Variants in CYP2E1 observed in about 807,000 individuals in gnomAD.
CYP2E1 encodes the protein cytochrome P450 2E1.
A neutral mutation model predicts 42.9 loss-of-function variants in CYP2E1; 31 were observed. The observed-to-expected ratio is 0.72, with a 90% CI of 0.54 to 0.98. The LOEUF is 0.98. CYP2E1 is among the 50% of genes least tolerant of loss of function. CYP2E1 has a pLI of 0.00. For synonymous variants in CYP2E1, 244 were observed against 248.9 expected (o/e 0.98, Z 0.19); for missense variants, 565 against 633.2 (o/e 0.89, Z 1.16).
intron 5 of CYP2E1, among the ~76,000 whole-genome samples, 171 bp downstream of exon 5, chr10:133,533,039 C>CTGGCT (rs1851357660): frequency 6.6e-6 from 1 of 152,240 alleles, no homozygotes; most frequent in African/African-American, 2.4e-5. Context: ...GCAAGTCAGC[C>CTGGCT]TGCCTGGCTG....
In CYP2E1 at chr10:133,531,448, GTC is replaced by G. The variant is rs1415680019; in HGVS notation, c.338-131_338-130del. The G allele has an allele frequency of 1.4e-5, 15 of 1,047,798 alleles. No homozygotes were observed. In the African/African-American group the frequency reaches 2.2e-4, roughly 15 times the overall value. 64.9% of individuals were successfully genotyped at this position (1,047,798 alleles called of 1,614,324 possible). A position where few individuals can be genotyped will look rare whatever the true frequency, so the allele number is the denominator to read the frequency against. On this transcript the variant is annotated intron_variant, in intron 2 of 8. Coordinates refer to ENST00000252945, the MANE Select transcript of CYP2E1 (RefSeq NM_000773.4). ...AGCTCCCAGGCTGGGACACCCCTCTGTCTCTCTGTCCCTCTGCCCCCTCTGTC... is the reference window on the plus strand; with the variant it reads ...AGCTCCCAGGCTGGGACACCCCTCTGTCTCTGTCCCTCTGCCCCCTCTGTC...
chr10:133,535,697 C>T (rs1039114249), intron 6 of CYP2E1, among the ~76,000 whole-genome samples: 1 of 152,116 alleles, frequency 6.6e-6, no homozygotes, highest in Admixed American at 6.5e-5. Context: ...CCAAATTGAA[C>T]GTTTATTAAC....
chr10:133,529,750 C>T (rs1173883633), intron 2 of CYP2E1, among the ~76,000 whole-genome samples: 1 of 152,194 alleles, frequency 6.6e-6, no homozygotes, highest in African/African-American at 2.4e-5. Flanking sequence ...TCGCCGGCTC[C>T]AGCTCAGGTT....
intron 2 of CYP2E1, 118 bp downstream of exon 2, chr10:133,528,758 G>T: frequency 8.0e-7 from 1 of 1,243,828 alleles, no homozygotes; most frequent in Non-Finnish European, 1.1e-6. Flanking sequence ...TATAGTAACA[G>T]CATCCGAAGG....
chr10:133,538,217 C>T lies in CYP2E1; in HGVS notation c.1297+325C>T, dbSNP rs183207917. On this transcript the variant is annotated intron_variant, in intron 8 of 8. Coordinates refer to ENST00000252945, the MANE Select transcript of CYP2E1 (RefSeq NM_000773.4). The stretch of plus-strand genomic sequence containing the variant: ...GTGAAAAGCTCTCAAAGCCATATTA[C>T]CCAATTCTCCCTAATTTTAAACCAG... Among the ~76,000 whole-genome samples, 125 of 152,228 alleles carry T rather than the reference C, an allele frequency of 8.2e-4. 1 individual carries two copies. The highest frequency in any genetic ancestry group is 1.6e-3 in the African/African-American group (68 of 41,530).
chr10:133,533,589 C>G (rs2133597077), intron 5 of CYP2E1, among the ~76,000 whole-genome samples, 167 bp from the exon 6 acceptor site: 1 of 152,328 alleles, frequency 6.6e-6, no homozygotes, highest in Non-Finnish European at 1.5e-5. Context: ...GTTTCCCTGG[C>G]TGTGAGGTGG....
At chr10:133,535,283 G>A (rs576901917) in intron 6 of CYP2E1, among the ~76,000 whole-genome samples, 3 of 152,100 alleles carry the variant, frequency 2.0e-5, no homozygotes, top group Non-Finnish European at 4.4e-5. Context: ...GCAGTGATCC[G>A]AGATTGCACC....
At chr10:133,528,310 C>T (rs1851295158) in intron 1 of CYP2E1, 171 bp from the exon 2 acceptor site, 2 of 707,232 alleles carry the variant, frequency 2.8e-6, no homozygotes, top group East Asian at 5.5e-5. Context: ...GACGCAGCAG[C>T]CTCTTGAGGG....
At position 133,531,777 on chromosome 10, in the gene CYP2E1, C is replaced by G. The variant is rs748267418; in HGVS notation, c.487+43C>G. ...AGCAGGGCCCAGTCCTCTTGCAGAC[C>G]AGCGGTGTGGGGAGCCCTGGCTGGG... On this transcript the variant is annotated intron_variant, in intron 3 of 8. Transcript: ENST00000252945. The G allele has an allele frequency of 2.6e-6, 4 of 1,539,922 alleles. No homozygotes were observed. In the Admixed American group the frequency reaches 8.0e-5, roughly 31 times the overall value.
chr10:133,528,477 G>C lies in CYP2E1; in HGVS notation c.178-4G>C. The C allele has an allele frequency of 6.2e-7, 1 of 1,612,516 alleles. No individual in the cohort carries two copies. The highest frequency in any genetic ancestry group is 2.2e-5 in the East Asian group (1 of 44,852). On this transcript the variant is annotated splice_polypyrimidine_tract_variant and splice_region_variant and intron_variant, in intron 1 of 8. Coordinates refer to ENST00000252945, the MANE Select transcript of CYP2E1 (RefSeq NM_000773.4). ...GCCTGACTTCTAGCCACGGGTCTCC[G>C]CAGTTGGCCCAGCGCTTCGGGCCGG...
chr10:133,528,450 G>A, intron 1 of CYP2E1, 31 bp from the exon 2 acceptor site: 1 of 1,608,024 alleles, frequency 6.2e-7, no homozygotes, highest in South Asian at 1.1e-5. Flanking sequence ...GCCGCGCGGC[G>A]GGCCTGACTT....
chr10:133,536,980 T>G (rs1851413360), intron 6 of CYP2E1, 83 bp from the exon 7 acceptor site: 2 of 309,608 alleles, frequency 6.5e-6, no homozygotes, highest in African/African-American at 1.8e-5. Context: ...AAAAGCGTGA[T>G]TGAATAGATG....
At chr10:133,530,131 G>T (rs973140451) in intron 2 of CYP2E1, among the ~76,000 whole-genome samples, 1 of 152,142 alleles carries the variant, frequency 6.6e-6, no homozygotes, top group Admixed American at 6.5e-5. Context: ...CATATGACCC[G>T]CAGGGCGCAG....
At chr10:133,538,306 C>T (rs1851430781) in intron 8 of CYP2E1, among the ~76,000 whole-genome samples, 1 of 152,144 alleles carries the variant, frequency 6.6e-6, no homozygotes, top group South Asian at 2.1e-4. Flanking sequence ...CAAAGCCTTC[C>T]TGGGATGTGA....
chr10:133,538,877 C>A lies in CYP2E1; in HGVS notation c.1395C>A (p.Asp465Glu). ...LQHFNLKPLVDPKDIDLSPIH... is the reference protein window; with the variant it reads ...LQHFNLKPLVEPKDIDLSPIH... ...ATTTTAATTTGAAGCCTCTCGTTGA[C>A]CCAAAGGATATCGACCTCAGCCCTA... The change falls in exon 9 of 9, where the codon GAC (aspartate) becomes GAA (glutamate). Residue 465 changes from aspartate to glutamate, a missense_variant. Physicochemically the swap from Asp to Glu is conservative, Grantham distance 45. Transcript: ENST00000252945. The A allele has an allele frequency of 6.2e-7, 1 of 1,614,014 alleles. No homozygotes were observed. The highest frequency in any genetic ancestry group is 8.5e-7 in the Non-Finnish European group (1 of 1,179,980).
intron 3 of CYP2E1, 171 bp downstream of exon 3, chr10:133,531,905 T>A (rs541442525): frequency 1.2e-6 from 1 of 800,054 alleles, no homozygotes; most frequent in African/African-American, 1.7e-5. Context: ...GCTACACAGT[T>A]CAGGGAGCAA....
chr10:133,530,393 G>A (rs1851322016), intron 2 of CYP2E1, among the ~76,000 whole-genome samples: 1 of 152,104 alleles, frequency 6.6e-6, no homozygotes, highest in Non-Finnish European at 1.5e-5. Flanking sequence ...GACCACGTCT[G>A]CCCCTCTGTC....
intron 6 of CYP2E1, among the ~76,000 whole-genome samples, chr10:133,536,257 A>G (rs1305879554): frequency 6.6e-6 from 1 of 152,178 alleles, no homozygotes; most frequent in Non-Finnish European, 1.5e-5. Flanking sequence ...TCCAGTAAAT[A>G]ACCTCATAGA....
At position 133,528,595 on chromosome 10, in the gene CYP2E1, T is replaced by A; in HGVS notation, c.292T>A (p.Ser98Thr). ...EALLDYKDEF[S>T]GRGDLPAFHA... ...GCTGCTGGACTACAAGGACGAGTTC[T>A]CGGGCAGAGGCGACCTCCCCGCGTT... The change falls in exon 2 of 9, where the codon TCG (serine) becomes ACG (threonine). Residue 98 changes from serine (S) to threonine (T), a missense_variant. Transcript: ENST00000252945. 4 of 1,613,472 alleles carry A rather than the reference T, an allele frequency of 2.5e-6. No individual in the cohort carries two copies. Among genetic ancestry groups the A allele is most frequent in the Non-Finnish European group, 3.4e-6 (4 of 1,179,976 alleles).
Sources: gnomAD v4.1 joint callset for allele counts (sites outside exome capture counted in the v4.1 genomes callset) on GRCh38, gnomAD v4.1.1 for gene constraint, MANE v1.5 for transcripts, NCBI Gene and HGNC (gene_info 2026-07-23, HGNC 2026-07-21) for gene names.